Variants in FHIT observed in about 807,000 individuals in gnomAD.
The protein encoded by FHIT is fragile histidine triad diadenosine triphosphatase.
Under a neutral mutation model 17.9 loss-of-function variants are expected in FHIT, and 19 were observed. The observed-to-expected ratio is 1.06, with a 90% CI of 0.74 to 1.56. FHIT has a LOEUF of 1.56. FHIT is among the 40% of genes most tolerant of loss of function. The pLI, the probability that FHIT is intolerant of heterozygous loss-of-function variation, is 0.00. For missense variants in FHIT, 248 were observed against 189.2 expected, an observed-to-expected ratio of 1.31 and a Z score of -1.82; for synonymous variants, 81 against 69.7, an observed-to-expected ratio of 1.16 and a Z score of -0.81.
intron 5 of FHIT, among the ~76,000 whole-genome samples, chr3:60,334,913 A>G (rs909119070): frequency 4.6e-5 from 7 of 152,228 alleles, no homozygotes; most frequent in African/African-American, 1.4e-4. Context: ...GTATGGCTAT[A>G]GTATATAAGA....
chr3:61,143,769 G>A (rs2037152336), intron 2 of FHIT, among the ~76,000 whole-genome samples: 1 of 152,170 alleles, frequency 6.6e-6, no homozygotes, highest in Admixed American at 6.5e-5. Flanking sequence ...GGGAGACTGA[G>A]ACAGGAGAAT....
chr3:59,801,867 T>C (rs1700007857), intron 8 of FHIT, among the ~76,000 whole-genome samples: 1 of 152,222 alleles, frequency 6.6e-6, no homozygotes, highest in African/African-American at 2.4e-5. Context: ...TACCCTGGTC[T>C]CCAGCCGCCT....
chr3:60,808,267 T>G (rs1179204845), intron 4 of FHIT, among the ~76,000 whole-genome samples: 2 of 152,236 alleles, frequency 1.3e-5, no homozygotes, highest in Non-Finnish European at 2.9e-5. Context: ...TACACTTTTG[T>G]TTTTTTTAAA....
intron 2 of FHIT, among the ~76,000 whole-genome samples, chr3:61,110,379 T>C (rs2036122158): frequency 6.6e-6 from 1 of 152,144 alleles, no homozygotes; most frequent in Admixed American, 6.6e-5. Flanking sequence ...AATGTGGCCA[T>C]GAGAGGCCCT....
In FHIT at chr3:60,049,209, T is replaced by C. The variant is rs531214435; in HGVS notation, c.104-35057A>G. Among the ~76,000 whole-genome samples the C allele has an allele frequency of 2.9e-4, 44 of 152,322 alleles. 1 individual carries two copies. Among genetic ancestry groups the C allele is most frequent in the African/African-American group, 9.4e-4 (39 of 41,570 alleles). The stretch of plus-strand genomic sequence containing the variant: ...ATTTAAATGATATTTCACTACAAAT[T>C]ATGTTCTTCTTCTATTTGTTTACAT... On this transcript the variant is annotated intron_variant, in intron 5 of 9. Transcript: ENST00000492590.
At chr3:59,803,532 C>G (rs1404120790) in intron 8 of FHIT, among the ~76,000 whole-genome samples, 1 of 152,206 alleles carries the variant, frequency 6.6e-6, no homozygotes, top group African/African-American at 2.4e-5. Flanking sequence ...GAAGGCCTCA[C>G]TTTGAGAAAA....
At chr3:61,202,088 A>ACACACACACACACG (rs1318636619) in intron 1 of FHIT, among the ~76,000 whole-genome samples, 2 of 151,922 alleles carry the variant, frequency 1.3e-5, no homozygotes, top group African/African-American at 4.8e-5. Flanking sequence ...ACACACACAC[A>ACACACACACACACG]CACGCACATA....
At chr3:60,947,534 C>CA (rs1708690857) in intron 3 of FHIT, among the ~76,000 whole-genome samples, 1 of 152,120 alleles carries the variant, frequency 6.6e-6, no homozygotes, top group Non-Finnish European at 1.5e-5. Flanking sequence ...GAAATTTGTT[C>CA]TTTGGTATCC....
rs142721117 is a variant in FHIT at position 59,896,723 on chromosome 3, T to A, written c.348+25623A>T. Among the ~76,000 whole-genome samples the A allele has an allele frequency of 3.8e-3, 582 of 152,324 alleles. 2 individuals are homozygous for A. The highest frequency in any genetic ancestry group is 0.024 in the Middle Eastern group (7 of 294). Reference sequence around the variant, plus strand: ...TTCAGCAGTGTGGACCAGCATGGCATGAAAATAAATTTAAGTGTGTTTTCC... The same window carrying A: ...TTCAGCAGTGTGGACCAGCATGGCAAGAAAATAAATTTAAGTGTGTTTTCC... On this transcript the variant is annotated intron_variant, in intron 8 of 9. Transcript: ENST00000492590.
intron 8 of FHIT, among the ~76,000 whole-genome samples, chr3:59,868,384 T>A (rs911072294): frequency 2.0e-5 from 3 of 152,174 alleles, no homozygotes; most frequent in Admixed American, 2.0e-4. Flanking sequence ...TATGTCAAAA[T>A]GATAATGGGG....
intron 2 of FHIT, among the ~76,000 whole-genome samples, chr3:61,145,798 C>G (rs1359762439): frequency 6.6e-6 from 1 of 151,894 alleles, no homozygotes; most frequent in East Asian, 1.9e-4. Context: ...TTCTTAATCT[C>G]TTTTCCAGAC....
chr3:59,859,139 C>T (rs1340499153), intron 8 of FHIT, among the ~76,000 whole-genome samples: 1 of 151,962 alleles, frequency 6.6e-6, no homozygotes, highest in Non-Finnish European at 1.5e-5. Flanking sequence ...CTTTTTTGTA[C>T]CAGAATATAA....
chr3:60,314,428 C>G (rs574711825), intron 5 of FHIT, among the ~76,000 whole-genome samples: 2 of 152,068 alleles, frequency 1.3e-5, no homozygotes, highest in Non-Finnish European at 2.9e-5. Context: ...TAAAATAAAA[C>G]TCAAAGCCCA....
intron 2 of FHIT, among the ~76,000 whole-genome samples, chr3:61,160,992 A>G (rs2037673248): frequency 6.6e-6 from 1 of 152,164 alleles, no homozygotes; most frequent in Admixed American, 6.5e-5. Flanking sequence ...TGGGTATAAA[A>G]TTGAGAAATT....
chr3:60,413,038 A>G (rs1387190183), intron 5 of FHIT, among the ~76,000 whole-genome samples: 1 of 152,146 alleles, frequency 6.6e-6, no homozygotes, highest in African/African-American at 2.4e-5. Flanking sequence ...TACAGATTAC[A>G]CAGTCTCGGG....
intron 7 of FHIT, among the ~76,000 whole-genome samples, chr3:59,981,079 C>T (rs1181597018): frequency 6.6e-6 from 1 of 151,926 alleles, no homozygotes; most frequent in Admixed American, 6.6e-5. Context: ...ACAAAAAACC[C>T]ACCACCAACA....
At chr3:61,018,232 G>T (rs573114679) in intron 3 of FHIT, among the ~76,000 whole-genome samples, 6 of 152,096 alleles carry the variant, frequency 3.9e-5, no homozygotes, top group Non-Finnish European at 8.8e-5. Context: ...AAACATGTCT[G>T]TCTGACTCCT....
At chr3:60,452,651 G>A (rs531344882) in intron 5 of FHIT, among the ~76,000 whole-genome samples, 2 of 152,210 alleles carry the variant, frequency 1.3e-5, no homozygotes, top group African/African-American at 4.8e-5. Flanking sequence ...CTCTCAAGCT[G>A]ATTAAATATT....
intron 5 of FHIT, among the ~76,000 whole-genome samples, chr3:60,034,547 A>C (rs1224176851): frequency 1.3e-5 from 2 of 152,234 alleles, no homozygotes; most frequent in Non-Finnish European, 2.9e-5. Context: ...TCCGTGGTAT[A>C]TCTTCGTCAA....
Sources: gnomAD v4.1 joint callset for allele counts (sites outside exome capture counted in the v4.1 genomes callset) on GRCh38, gnomAD v4.1.1 for gene constraint, MANE v1.5 for transcripts, NCBI Gene and HGNC (gene_info 2026-07-23, HGNC 2026-07-21) for gene names.